The following DPYD variants were observed in gnomAD, a reference collection of about 807,000 sequenced individuals.
DPYD encodes dihydropyrimidine dehydrogenase [NADP(+)].
Under a neutral mutation model 116.2 loss-of-function variants are expected in DPYD, and 109 were observed. That is an observed-to-expected ratio of 0.94 (90% CI 0.80 to 1.10). The LOEUF (loss-of-function observed/expected upper bound fraction) is 1.10, where lower values mean the gene tolerates loss of function less well. Among genes scored for constraint, DPYD ranks in the 50% least tolerant of loss-of-function variants. The pLI is 0.00. For missense variants in DPYD, 1,302 were observed against 1,254.5 expected (o/e 1.04, Z -0.57); for synonymous variants, 440 against 432.0 (o/e 1.02, Z -0.23).
intron 18 of DPYD, among the ~76,000 whole-genome samples, chr1:97,296,628 T>C (rs953413838): frequency 4.6e-5 from 7 of 152,102 alleles, no homozygotes; most frequent in Non-Finnish European, 8.8e-5. Context: ...ATTCTAACAA[T>C]ACAGGAAATC....
At chr1:97,721,697 T>G (rs1662935339) in intron 4 of DPYD, 26 bp from the exon 5 acceptor site, 1 of 1,602,686 alleles carries the variant, frequency 6.2e-7, no homozygotes, top group African/African-American at 1.3e-5. Flanking sequence ...AAAATAAAAT[T>G]TTACTACTTA....
intron 13 of DPYD, among the ~76,000 whole-genome samples, chr1:97,477,986 T>C (rs1333348202): frequency 6.6e-6 from 1 of 152,202 alleles, no homozygotes; most frequent in Non-Finnish European, 1.5e-5. Flanking sequence ...ATTAGAGGTA[T>C]CACTATAGCA....
intron 8 of DPYD, among the ~76,000 whole-genome samples, chr1:97,661,705 G>T (rs1399753695): frequency 6.6e-6 from 1 of 152,048 alleles, no homozygotes; most frequent in Non-Finnish European, 1.5e-5. Context: ...AAAAGGGAAT[G>T]AATTTACATA....
chr1:97,327,600 T>C (rs1347519370), intron 16 of DPYD, among the ~76,000 whole-genome samples: 2 of 152,136 alleles, frequency 1.3e-5, no homozygotes, highest in African/African-American at 4.8e-5. Flanking sequence ...AAATACACTG[T>C]ACTCAAAATT....
At chr1:97,652,872 T>C (rs1228646798) in intron 8 of DPYD, among the ~76,000 whole-genome samples, 1 of 152,188 alleles carries the variant, frequency 6.6e-6, no homozygotes, top group Non-Finnish European at 1.5e-5. Flanking sequence ...TATCTACTGT[T>C]ATTTACTCTC....
chr1:97,442,255 C>T (rs1331829894), intron 14 of DPYD, among the ~76,000 whole-genome samples: 1 of 151,658 alleles, frequency 6.6e-6, no homozygotes, highest in Non-Finnish European at 1.5e-5. Context: ...TGACCACTCT[C>T]CTTTATTGCC....
intron 20 of DPYD, among the ~76,000 whole-genome samples, chr1:97,180,168 T>C (rs1034679568): frequency 6.6e-6 from 1 of 152,104 alleles, no homozygotes; most frequent in Non-Finnish European, 1.5e-5. Context: ...ACAGCAGACA[T>C]TTCAATTTTT....
intron 8 of DPYD, among the ~76,000 whole-genome samples, chr1:97,615,063 A>G (rs1290701440): frequency 6.6e-6 from 1 of 152,160 alleles, no homozygotes; most frequent in Non-Finnish European, 1.5e-5. Flanking sequence ...GCTAACTATG[A>G]TTAAAGTTAG....
intron 16 of DPYD, among the ~76,000 whole-genome samples, chr1:97,320,696 C>A (rs948379091): frequency 1.5e-3 from 57 of 38,840 alleles, no homozygotes; most frequent in Non-Finnish European, 2.4e-3. Context: ...CCCCATCAAG[C>A]TACCAATGAC....
intron 2 of DPYD, among the ~76,000 whole-genome samples, chr1:97,852,035 A>AAG (rs1670596032): frequency 6.6e-6 from 1 of 151,312 alleles, no homozygotes; most frequent in African/African-American, 2.4e-5. Flanking sequence ...AAAAAAAAAA[A>AAG]AAAGAAAGAA....
chr1:97,305,336 A>G lies in DPYD; in HGVS notation c.2222T>C (p.Leu741Pro). The G allele has an allele frequency of 6.2e-7, 1 of 1,612,508 alleles. No homozygotes were observed. The highest frequency in any genetic ancestry group is 1.1e-5 in the South Asian group (1 of 91,074). The change falls in exon 18 of 23, where the codon CTG becomes CCG. Residue 741 changes from leucine to proline, a missense_variant. Transcript: ENST00000370192. ...GVTATNTVSG[L>P]MGLKSDGTPW... ...TGTGCCATCAGATTTTAATCCCATC[A>G]GACCTGAGACAGTGTTGGTGGCTGT...
intron 16 of DPYD, among the ~76,000 whole-genome samples, chr1:97,349,127 T>C (rs1056098678): frequency 1.1e-4 from 17 of 152,252 alleles, no homozygotes; most frequent in African/African-American, 4.1e-4. Context: ...TATCCTGCAG[T>C]TTCCTGATCT....
chr1:97,699,022 G>T (rs955845482), intron 6 of DPYD, among the ~76,000 whole-genome samples: 1 of 151,818 alleles, frequency 6.6e-6, no homozygotes. Flanking sequence ...TAATATCCAG[G>T]ATTTTCAGTT....
intron 6 of DPYD, among the ~76,000 whole-genome samples, chr1:97,697,014 A>G (rs887721432): frequency 6.6e-6 from 1 of 152,106 alleles, no homozygotes; most frequent in African/African-American, 2.4e-5. Context: ...ATATTAATTT[A>G]TAAGAGAAAA....
chr1:97,109,895 G>C (rs1244571825), intron 20 of DPYD, among the ~76,000 whole-genome samples: 1 of 152,046 alleles, frequency 6.6e-6, no homozygotes, highest in Non-Finnish European at 1.5e-5. Context: ...TAGCATACAT[G>C]TATGAAATAT....
chr1:97,218,887 A>G (rs116825515), intron 19 of DPYD, among the ~76,000 whole-genome samples: 1,720 of 152,214 alleles, frequency 0.011, 37 homozygotes, highest in African/African-American at 0.039. Flanking sequence ...AGGTGTTAGG[A>G]GGATAAGAGA....
At chr1:97,869,979 A>AT (rs1671577888) in intron 2 of DPYD, among the ~76,000 whole-genome samples, 1 of 151,866 alleles carries the variant, frequency 6.6e-6, no homozygotes, top group Non-Finnish European at 1.5e-5. Context: ...GCCACTGAAC[A>AT]TAAGAGGTTA....
intron 13 of DPYD, among the ~76,000 whole-genome samples, chr1:97,469,180 T>TA (rs1677488183): frequency 6.6e-6 from 1 of 152,038 alleles, no homozygotes. Flanking sequence ...CTAATATCTG[T>TA]AATGTTTGAT....
intron 3 of DPYD, among the ~76,000 whole-genome samples, chr1:97,782,251 T>C (rs970231782): frequency 1.3e-5 from 2 of 152,326 alleles, no homozygotes; most frequent in Admixed American, 6.5e-5. Flanking sequence ...CACTTCACAT[T>C]ACATAAATCA....
Sources: allele counts gnomAD v4.1 joint callset (sites outside exome capture counted in the v4.1 genomes callset), GRCh38; gene constraint gnomAD v4.1.1; transcripts MANE v1.5; gene names NCBI Gene and HGNC (gene_info 2026-07-23, HGNC 2026-07-21).